AGBL4: variants seen among roughly 807,000 people sequenced by gnomAD.
AGBL4 encodes AGBL carboxypeptidase 4.
AGBL4 carries 58 observed loss-of-function variants against 66.4 expected under a neutral mutation model. The observed-to-expected ratio is 0.87, with a 90% CI of 0.71 to 1.09. The LOEUF (loss-of-function observed/expected upper bound fraction) is 1.09. AGBL4 is among the 50% of genes least tolerant of loss of function. The pLI, the probability that AGBL4 is intolerant of heterozygous loss-of-function variation, is 0.00. For missense variants in AGBL4, 579 were observed against 631.0 expected (o/e 0.92, Z 0.88); for synonymous variants, 234 against 222.9 (o/e 1.05, Z -0.44).
At chr1:48,893,703 TAA>T (rs141471657) in intron 5 of AGBL4, among the ~76,000 whole-genome samples, 5 of 22,290 alleles carry the variant, frequency 2.2e-4, no homozygotes, top group Non-Finnish European at 6.7e-4. Context: ...AATAAATAAA[TAA>T]AAAGATAAAA....
At chr1:49,283,633 A>C (rs1280347755) in intron 3 of AGBL4, among the ~76,000 whole-genome samples, 2 of 151,944 alleles carry the variant, frequency 1.3e-5, no homozygotes, top group Non-Finnish European at 2.9e-5. Context: ...AAAATTTAGA[A>C]GAATGTATAA....
intron 5 of AGBL4, among the ~76,000 whole-genome samples, chr1:48,985,489 G>A (rs1393000369): frequency 6.6e-6 from 1 of 152,124 alleles, no homozygotes; most frequent in Non-Finnish European, 1.5e-5. Flanking sequence ...CTCACACAGG[G>A]CTAAGAACAG....
chr1:48,955,957 T>A (rs1001387122), intron 5 of AGBL4, among the ~76,000 whole-genome samples: 1 of 152,254 alleles, frequency 6.6e-6, no homozygotes, highest in African/African-American at 2.4e-5. Context: ...ATTACCTTGC[T>A]AGACTGAGCT....
At chr1:49,692,823 T>A (rs998054784) in intron 3 of AGBL4, among the ~76,000 whole-genome samples, 1 of 152,204 alleles carries the variant, frequency 6.6e-6, no homozygotes, top group Non-Finnish European at 1.5e-5. Flanking sequence ...TAAACTACAT[T>A]ATTTCTTATA....
chr1:48,995,762 C>T (rs949950949), intron 5 of AGBL4, among the ~76,000 whole-genome samples: 1 of 152,140 alleles, frequency 6.6e-6, no homozygotes, highest in Non-Finnish European at 1.5e-5. Context: ...AGACCATAGT[C>T]ACTGAGTGGA....
intron 3 of AGBL4, among the ~76,000 whole-genome samples, chr1:49,524,865 A>G (rs1650536206): frequency 6.6e-6 from 1 of 152,084 alleles, no homozygotes; most frequent in African/African-American, 2.4e-5. Flanking sequence ...ATAATAAACC[A>G]GTCTAATTCA....
intron 1 of AGBL4, among the ~76,000 whole-genome samples, chr1:49,965,103 A>T (rs1227997054): frequency 6.6e-6 from 1 of 152,202 alleles, no homozygotes; most frequent in Non-Finnish European, 1.5e-5. Flanking sequence ...ATTACTATTG[A>T]AATTATTACA....
chr1:48,617,112 G>A (rs1645332258), intron 9 of AGBL4, among the ~76,000 whole-genome samples: 1 of 152,182 alleles, frequency 6.6e-6, no homozygotes, highest in African/African-American at 2.4e-5. Context: ...GATGCTGAGT[G>A]TTAGAAAGCA....
intron 1 of AGBL4, among the ~76,000 whole-genome samples, chr1:49,952,416 A>G (rs1157374383): frequency 6.6e-6 from 1 of 151,936 alleles, no homozygotes; most frequent in African/African-American, 2.4e-5. Flanking sequence ...AAAAAAGTTG[A>G]AATTTCAAGC....
intron 11 of AGBL4, among the ~76,000 whole-genome samples, chr1:48,556,703 C>G (rs1644326422): frequency 1.3e-5 from 2 of 152,252 alleles, no homozygotes; most frequent in Admixed American, 1.3e-4. Flanking sequence ...CTCCCAGAGC[C>G]TCCTGGCACT....
intron 3 of AGBL4, among the ~76,000 whole-genome samples, chr1:49,430,997 C>T (rs142337872): frequency 1.3e-5 from 2 of 151,838 alleles, no homozygotes; most frequent in South Asian, 4.2e-4. Context: ...GCATAGCATG[C>T]CAATGTGTAA....
chr1:49,429,669 T>C (rs1019861897), intron 3 of AGBL4, among the ~76,000 whole-genome samples: 1 of 152,070 alleles, frequency 6.6e-6, no homozygotes, highest in Non-Finnish European at 1.5e-5. Flanking sequence ...AAGAACCTTA[T>C]CTTATCACTC....
intron 3 of AGBL4, among the ~76,000 whole-genome samples, chr1:49,484,528 T>A (rs1647023085): frequency 6.6e-6 from 1 of 152,048 alleles, no homozygotes; most frequent in African/African-American, 2.4e-5. Context: ...TGTTCTCCCT[T>A]ATTTGTGGGA....
chr1:49,469,196 T>C (rs1646690583), intron 3 of AGBL4, among the ~76,000 whole-genome samples: 1 of 151,932 alleles, frequency 6.6e-6, no homozygotes. Flanking sequence ...TATGTTATTA[T>C]TGCCTATTTT....
At chr1:48,911,619 C>CA (rs746193402) in intron 5 of AGBL4, among the ~76,000 whole-genome samples, 5,293 of 70,060 alleles carry the variant, frequency 0.076, 157 homozygotes, top group African/African-American at 0.11. Flanking sequence ...AACTCCGTCT[C>CA]AAAAAAAAAA....
At chr1:49,774,854 C>G (rs902479849) in intron 2 of AGBL4, among the ~76,000 whole-genome samples, 2 of 151,994 alleles carry the variant, frequency 1.3e-5, no homozygotes, top group Non-Finnish European at 2.9e-5. Flanking sequence ...ATATACATAC[C>G]CTTTGACTCA....
At chr1:50,017,739 G>A in intron 1 of AGBL4, among the ~76,000 whole-genome samples, 1 of 152,140 alleles carries the variant, frequency 6.6e-6, no homozygotes, top group Admixed American at 6.6e-5. Context: ...CTTTAGGGTA[G>A]AGAGGGGCAG....
intron 4 of AGBL4, among the ~76,000 whole-genome samples, chr1:49,183,705 TTTTCTGAATC>T (rs1029436720): frequency 6.6e-6 from 1 of 152,164 alleles, no homozygotes; most frequent in Non-Finnish European, 1.5e-5. Context: ...CCACTTGTGG[TTTTCTGAATC>T]TTTCTTGCTC....
chr1:49,846,810 T>A (rs2148052871), intron 2 of AGBL4, among the ~76,000 whole-genome samples: 1 of 152,128 alleles, frequency 6.6e-6, no homozygotes, highest in African/African-American at 2.4e-5. Flanking sequence ...CATCCCATAC[T>A]CATGGAGCAG....
Sources: allele counts gnomAD v4.1 joint callset (sites outside exome capture counted in the v4.1 genomes callset), GRCh38; gene constraint gnomAD v4.1.1; transcripts MANE v1.5; gene names NCBI Gene and HGNC (gene_info 2026-07-23, HGNC 2026-07-21).